The following GRID2IP variants were observed in gnomAD, a reference collection of about 807,000 sequenced individuals.
The protein encoded by GRID2IP is delphilin.
GRID2IP carries 78 observed loss-of-function variants against 114.3 expected under a neutral mutation model. The observed-to-expected ratio is 0.68, with a 90% CI of 0.57 to 0.82. The LOEUF is 0.82. Ranked by LOEUF, GRID2IP falls within the 40% of genes least tolerant of loss-of-function variation. The probability of loss-of-function intolerance (pLI) is 0.00; values close to 1 mark genes in which losing one functional copy is unlikely to be tolerated. For missense variants in GRID2IP, 1,727 were observed against 1,678.5 expected (o/e 1.03, Z -0.51); for synonymous variants, 809 against 724.0 (o/e 1.12, Z -1.89).
At chr7:6,533,239 C>A (rs1008335997) in intron 2 of GRID2IP, among the ~76,000 whole-genome samples, 1 of 152,148 alleles carries the variant, frequency 6.6e-6, no homozygotes, top group Non-Finnish European at 1.5e-5. Context: ...GTCAGCAGTG[C>A]CCTACTTGAG....
chr7:6,530,198 T>A lies in GRID2IP; in HGVS notation c.585-3429A>T, dbSNP rs201847928. 2.0e-5 allele frequency among the ~76,000 whole-genome samples: 3 copies of A among 151,978 alleles called. 1 individual carries two copies. The highest frequency in any genetic ancestry group is 4.1e-4 in the South Asian group (2 of 4,830). ...CGGTCTCAATTTCCTGACCTCATGA[T>A]CCGCCCGCCTCGGCCTCCCAAAGTG... On this transcript the variant is annotated intron_variant, in intron 2 of 21. Transcript: ENST00000457091.
rs1779734674 is a variant in GRID2IP, at chr7:6,536,914, G to A, written c.584+2804C>T. On this transcript the variant is annotated intron_variant, in intron 2 of 21. Coordinates refer to ENST00000457091, the MANE Select transcript of GRID2IP (RefSeq NM_001145118.2). The surrounding 1 kb of genome is among the most constrained non-coding windows in gnomAD (Gnocchi z 5.3). ...CGAGAGCTGCGCCGGGGCTGGGGTG[G>A]GCGGGGGGGCGGCGGGGAGGGTGGC... 1.6e-6 allele frequency: 1 copy of A among 644,496 alleles called. No individual in the cohort carries two copies. Among genetic ancestry groups the A allele is most frequent in the Non-Finnish European group, 2.8e-6 (1 of 356,690 alleles). The allele number at this position is 644,496 out of a possible 1,614,324, so 39.9% of individuals were successfully genotyped here. A position where few individuals can be genotyped will look rare whatever the true frequency, so the allele number is the denominator to read the frequency against.
At position 6,551,056 on chromosome 7, in the gene GRID2IP, G is replaced by A. The variant is rs1246756492; in HGVS notation, c.381C>T (p.Asp127=). 15 of 1,299,966 alleles carry A rather than the reference G, an allele frequency of 1.2e-5. No individual in the cohort carries two copies. The highest frequency in any genetic ancestry group is 1.5e-5 in the Non-Finnish European group (15 of 1,028,068). The allele number at this position is 1,299,966 out of a possible 1,614,324, so 80.5% of individuals were successfully genotyped here. Residue 127 remains aspartate, a synonymous_variant, in exon 1 of 22, where the codon GAC becomes GAT. Coordinates refer to ENST00000457091, the MANE Select transcript of GRID2IP (RefSeq NM_001145118.2). ...LLRLAGRKRP[D]AVHRERRRKA... ...TGCGCCTGCGCTCTCGGTGCACCGC[G>A]TCCGGGCGCTTGCGGCCGGCCAGGC...
At position 6,536,850 on chromosome 7, in the gene GRID2IP, C is replaced by T. The variant is rs1460360756; in HGVS notation, c.584+2868G>A. The T allele has an allele frequency of 1.6e-6, 1 of 637,372 alleles. No individual in the cohort carries two copies. Among genetic ancestry groups the T allele is most frequent in the Non-Finnish European group, 2.9e-6 (1 of 343,470 alleles). The allele number at this position is 637,372 out of a possible 1,614,324, so 39.5% of individuals were successfully genotyped here. A position where few individuals can be genotyped will look rare whatever the true frequency, so the allele number is the denominator to read the frequency against. ...ACTCACCCCAGGCAGCTCATGGTGG[C>T]CTCTTTCGGTGGTGGTCGCCTATGC... On this transcript the variant is annotated intron_variant, in intron 2 of 21. Coordinates refer to ENST00000457091, the MANE Select transcript of GRID2IP (RefSeq NM_001145118.2). The surrounding 1 kb of genome is among the most constrained non-coding windows in gnomAD (Gnocchi z 5.3).
intron 20 of GRID2IP, among the ~76,000 whole-genome samples, chr7:6,500,864 T>A (rs1329923516): frequency 6.6e-6 from 1 of 152,236 alleles, no homozygotes; most frequent in African/African-American, 2.4e-5. Context: ...CAGGCCCTGT[T>A]TGGAGGCTCA....
At position 6,508,139 on chromosome 7, in the gene GRID2IP, G is replaced by A. The variant is rs1283404118; in HGVS notation, c.2390C>T (p.Pro797Leu). 4 of 1,506,442 alleles carry A rather than the reference G, an allele frequency of 2.7e-6. No individual in the cohort carries two copies. In the African/African-American group the frequency reaches 4.1e-5, roughly 16 times the overall value. The allele number at this position is 1,506,442 out of a possible 1,614,324, so 93.3% of individuals were successfully genotyped here. ...TGGGGGCAGGGGCGGTGGGGGTGGT[G>A]GAGGGACTGGGTGGCTGAGTTGGGT... Reference protein sequence around the residue: ...PLTQLSHPVPPPPPPPLPPPV... With the variant: ...PLTQLSHPVPLPPPPPLPPPV... Residue 797 changes from proline (P) to leucine (L), a missense_variant, in exon 13 of 22, where the codon CCA (proline) becomes CTA (leucine). Pro to Leu is a moderately conservative substitution (Grantham distance 98, BLOSUM62 -3). Coordinates refer to ENST00000457091, the MANE Select transcript of GRID2IP (RefSeq NM_001145118.2). This position sits in a 1 kb window ranked among gnomAD's most constrained non-coding sequence, Gnocchi z 5.6.
chr7:6,508,028 C>T lies in GRID2IP; in HGVS notation c.2501G>A (p.Arg834Gln), dbSNP rs564393205. 26 of 1,549,648 alleles carry T rather than the reference C, an allele frequency of 1.7e-5. No individual in the cohort carries two copies. The highest frequency in any genetic ancestry group is 4.9e-5 in the East Asian group (2 of 40,908). Residue 834 changes from arginine to glutamine, a missense_variant, in exon 13 of 22, where the codon CGG (arginine) becomes CAG (glutamine). Coordinates refer to ENST00000457091, the MANE Select transcript of GRID2IP (RefSeq NM_001145118.2). This position sits in a 1 kb window ranked among gnomAD's most constrained non-coding sequence, Gnocchi z 5.6. ...TTCTGAGTTCTCCACCTGTTCCCACCGCAAGCGCTTGACGCTCATGTGGCT... is the reference window on the plus strand; with the variant it reads ...TTCTGAGTTCTCCACCTGTTCCCACTGCAAGCGCTTGACGCTCATGTGGCT... ...ETSHMSVKRLRWEQVENSEGT... is the reference protein window; with the variant it reads ...ETSHMSVKRLQWEQVENSEGT...
At position 6,517,203 on chromosome 7, in the gene GRID2IP, T is replaced by C. The variant is rs557136925; in HGVS notation, c.1269-2674A>G. On this transcript the variant is annotated intron_variant, in intron 7 of 21. Transcript: ENST00000457091. ...CCGAGTAGCTGGGACTACAGGCGCC[T>C]GCCACCACGCCCGGCTATTTTTTTT... 2.8e-4 allele frequency among the ~76,000 whole-genome samples: 43 copies of C among 151,580 alleles called. 1 individual carries two copies. The East Asian group carries it at 7.6e-3, about 27-fold the overall frequency.
chr7:6,532,399 G>C lies in GRID2IP; in HGVS notation c.585-5630C>G, dbSNP rs548770804. ...GGACAGCTCCCATGGGGCAGCCTGT[G>C]GGTACCTGCAGGCAGCACAGGGAGG... On this transcript the variant is annotated intron_variant, in intron 2 of 21. Transcript: ENST00000457091. The surrounding 1 kb of genome is among the most constrained non-coding windows in gnomAD (Gnocchi z 4.4). 3.2e-4 allele frequency among the ~76,000 whole-genome samples: 48 copies of C among 152,268 alleles called. No homozygotes were observed. The highest frequency in any genetic ancestry group is 7.2e-4 in the Admixed American group (11 of 15,298).
In GRID2IP at chr7:6,503,535, C is replaced by G. The variant is rs1421992119; in HGVS notation, c.2863G>C (p.Glu955Gln). The G allele has an allele frequency of 3.9e-6, 6 of 1,526,664 alleles. No homozygotes were observed. The highest frequency in any genetic ancestry group is 1.2e-5 in the South Asian group (1 of 83,458). 94.6% of individuals were successfully genotyped at this position (1,526,664 alleles called of 1,614,324 possible). The change falls in exon 16 of 22, where the codon GAG becomes CAG. Residue 955 changes from glutamate (E) to glutamine (Q), a missense_variant. Physicochemically the swap from Glu to Gln is conservative, Grantham distance 29. Transcript: ENST00000457091. Reference protein sequence around the residue: ...DEEQRYQAFREAPGRLSEPDQ... With the variant: ...DEEQRYQAFRQAPGRLSEPDQ... Reference sequence around the variant, plus strand: ...GGCTCGCTGAGGCGGCCGGGCGCCTCGCGGAAGGCCTGGTAGCGCTGCTCC... The same window carrying G: ...GGCTCGCTGAGGCGGCCGGGCGCCTGGCGGAAGGCCTGGTAGCGCTGCTCC...
At position 6,528,499 on chromosome 7, in the gene GRID2IP, C is replaced by T. The variant is rs144411455; in HGVS notation, c.585-1730G>A. 6.4e-3 allele frequency among the ~76,000 whole-genome samples: 972 copies of T among 152,314 alleles called. 8 individuals carry two copies. The highest frequency in any genetic ancestry group is 0.01 in the Non-Finnish European group (684 of 68,016). Reference sequence around the variant, plus strand: ...ACCTCTAACAAGAGCCCCTGAAGGTCTGGTTGCCTGTGAGGTCTCCCTGGC... The same window carrying T: ...ACCTCTAACAAGAGCCCCTGAAGGTTTGGTTGCCTGTGAGGTCTCCCTGGC... On this transcript the variant is annotated intron_variant, in intron 2 of 21. Transcript: ENST00000457091. This position sits in a 1 kb window ranked among gnomAD's most constrained non-coding sequence, Gnocchi z 6.0.
chr7:6,501,140 C>G (rs1305866072), intron 20 of GRID2IP, among the ~76,000 whole-genome samples: 1 of 152,182 alleles, frequency 6.6e-6, no homozygotes, highest in Non-Finnish European at 1.5e-5. Flanking sequence ...CACCTGAGGT[C>G]AGGAGTGCAA....
intron 21 of GRID2IP, 101 bp from the exon 22 acceptor site, chr7:6,497,946 G>A: frequency 7.1e-7 from 1 of 1,404,788 alleles, no homozygotes; most frequent in Non-Finnish European, 9.7e-7. Context: ...AGGGGGTTAG[G>A]GGGACATGTC....
chr7:6,536,180 G>A lies in GRID2IP; in HGVS notation c.584+3538C>T, dbSNP rs746191706. ...CTGGGGAGGGGGTTGTTGGGAAGTA[G>A]GGGGTTTGAAGAGGTGCGGGGTGGC... On this transcript the variant is annotated intron_variant, in intron 2 of 21. Coordinates refer to ENST00000457091, the MANE Select transcript of GRID2IP (RefSeq NM_001145118.2). This position sits in a 1 kb window ranked among gnomAD's most constrained non-coding sequence, Gnocchi z 5.3. Among the ~76,000 whole-genome samples, 3 of 152,172 alleles carry A rather than the reference G, an allele frequency of 2.0e-5. No homozygotes were observed. The highest frequency in any genetic ancestry group is 4.4e-5 in the Non-Finnish European group (3 of 68,016).
At chr7:6,499,285 C>G (rs751576611) in intron 20 of GRID2IP, among the ~76,000 whole-genome samples, 1 of 149,744 alleles carries the variant, frequency 6.7e-6, no homozygotes, top group Non-Finnish European at 1.5e-5. Flanking sequence ...CTCATGACCC[C>G]TCTTTTTCCT....
chr7:6,497,987 T>C, intron 21 of GRID2IP, 77 bp downstream of exon 21: 1 of 1,451,244 alleles, frequency 6.9e-7, no homozygotes, highest in Non-Finnish European at 9.2e-7. Context: ...CAGCCCTGGC[T>C]TCATGGAGGA....
chr7:6,526,682 G>T lies in GRID2IP; in HGVS notation c.672C>A (p.Ala224=). The T allele has an allele frequency of 4.7e-6, 7 of 1,483,948 alleles. No homozygotes were observed. The highest frequency in any genetic ancestry group is 6.3e-6 in the Non-Finnish European group (7 of 1,119,474). 91.9% of individuals were successfully genotyped at this position (1,483,948 alleles called of 1,614,324 possible). ...LLGKLCRARR[A]QGAQRLRRSR... ...TCCGGCGCAGTCGCTGCGCGCCCTG[G>T]GCCCGGCGTGCGCGGCACAGCTTGC... Residue 224 remains alanine (A), a synonymous_variant, in exon 3 of 22, where the codon GCC becomes GCA. Coordinates refer to ENST00000457091, the MANE Select transcript of GRID2IP (RefSeq NM_001145118.2). This position sits in a 1 kb window ranked among gnomAD's most constrained non-coding sequence, Gnocchi z 7.6.
At chr7:6,535,193 C>A (rs553498387) in intron 2 of GRID2IP, among the ~76,000 whole-genome samples, 4 of 151,572 alleles carry the variant, frequency 2.6e-5, no homozygotes, top group Admixed American at 2.0e-4. Context: ...CCTTGCCCAG[C>A]AAATTGTTGT....
chr7:6,526,809 C>G lies in GRID2IP; in HGVS notation c.585-40G>C, dbSNP rs910164128. Reference sequence around the variant, plus strand: ...GGCGGAGTCGGGGCGCGTTCCCGGACCCCGGATCTCTGCAAACCGCGGCCC... The same window carrying G: ...GGCGGAGTCGGGGCGCGTTCCCGGAGCCCGGATCTCTGCAAACCGCGGCCC... On this transcript the variant is annotated intron_variant, in intron 2 of 21. Transcript: ENST00000457091. The surrounding 1 kb of genome is among the most constrained non-coding windows in gnomAD (Gnocchi z 7.6). 48 of 1,465,468 alleles carry G rather than the reference C, an allele frequency of 3.3e-5. No individual in the cohort carries two copies. The highest frequency in any genetic ancestry group is 4.2e-5 in the Non-Finnish European group (47 of 1,111,466). The allele number at this position is 1,465,468 out of a possible 1,614,324, so 90.8% of individuals were successfully genotyped here.
Sources: gnomAD v4.1 joint callset for allele counts (sites outside exome capture counted in the v4.1 genomes callset) on GRCh38, gnomAD v4.1.1 for gene constraint, Gnocchi (gnomAD v3.1) non-coding constraint, MANE v1.5 for transcripts, NCBI Gene and HGNC (gene_info 2026-07-23, HGNC 2026-07-21) for gene names.